Variants in TMEM135 observed in about 807,000 individuals in gnomAD.
TMEM135 encodes the protein peroxisomal membrane protein 52.
A neutral mutation model predicts 60.3 loss-of-function variants in TMEM135; 30 were observed. That is an observed-to-expected ratio of 0.50 (90% confidence interval 0.37 to 0.68). The LOEUF is 0.68. Among genes scored for constraint, TMEM135 ranks in the 30% least tolerant of loss-of-function variants. The pLI is 0.00. For missense variants in TMEM135, 468 were observed against 548.8 expected (o/e 0.85, Z 1.47); for synonymous variants, 190 against 186.7 (o/e 1.02, Z -0.14).
chr11:87,183,397 TC>T (rs1939570187), intron 5 of TMEM135, among the ~76,000 whole-genome samples: 1 of 151,692 alleles, frequency 6.6e-6, no homozygotes, highest in Non-Finnish European at 1.5e-5. Context: ...TGCCTCAGCC[TC>T]CCCAAGTGTG....
At chr11:87,096,238 C>T in intron 4 of TMEM135, 1 of 288,060 alleles carries the variant, frequency 3.5e-6, no homozygotes, top group South Asian at 4.1e-5. Context: ...TCTGCAGATA[C>T]ACAGCTTTAG....
chr11:87,291,809 C>T (rs1218076641), intron 6 of TMEM135, among the ~76,000 whole-genome samples: 1 of 152,078 alleles, frequency 6.6e-6, no homozygotes, highest in Non-Finnish European at 1.5e-5. Context: ...TCCCAAAGTG[C>T]TGGGATTACA....
At chr11:87,247,085 C>G (rs1003062418) in intron 6 of TMEM135, among the ~76,000 whole-genome samples, 47 of 150,166 alleles carry the variant, frequency 3.1e-4, no homozygotes, top group Admixed American at 2.9e-3. Context: ...GGACGCTCAG[C>G]TGCAGGTCTG....
intron 4 of TMEM135, chr11:87,095,557 T>A (rs752156582): frequency 9.9e-6 from 2 of 201,998 alleles, no homozygotes; most frequent in African/African-American, 2.3e-5. Flanking sequence ...TGTCCGGTTA[T>A]CAAAAGATAA....
At chr11:87,253,692 T>A (rs1240254177) in intron 6 of TMEM135, among the ~76,000 whole-genome samples, 10 of 139,862 alleles carry the variant, frequency 7.1e-5, no homozygotes, top group Non-Finnish European at 1.5e-4. Context: ...TATATATATA[T>A]ATATATCCTG....
At chr11:87,038,264 G>T in intron 1 of TMEM135, 78 bp downstream of exon 1, 2 of 1,592,066 alleles carry the variant, frequency 1.3e-6, no homozygotes, top group Non-Finnish European at 1.7e-6. Flanking sequence ...GCTCCCGAGG[G>T]GCTCTGGGGG....
Position 87,130,910 on chromosome 11 carries a change from A to G in TMEM135, c.397-26431A>G, listed in dbSNP as rs866737960. 7.3e-5 allele frequency among the ~76,000 whole-genome samples: 11 copies of G among 151,264 alleles called. 1 individual carries two copies. The South Asian group carries it at 2.3e-3, about 31-fold the overall frequency. ...GTTTGTATAAAAGGTGCTAATTCTA[A>G]TTTATGTGTTTAGTTACAGTTTTCT... On this transcript the variant is annotated intron_variant, in intron 4 of 14. Coordinates refer to ENST00000305494, the MANE Select transcript of TMEM135 (RefSeq NM_022918.4).
chr11:87,079,643 G>A (rs962466081), intron 3 of TMEM135, among the ~76,000 whole-genome samples: 1 of 151,220 alleles, frequency 6.6e-6, no homozygotes. Flanking sequence ...CTTAGCGGGA[G>A]GCATTCAGTT....
At chr11:87,171,129 A>AG (rs1407489337) in intron 5 of TMEM135, among the ~76,000 whole-genome samples, 4 of 152,184 alleles carry the variant, frequency 2.6e-5, no homozygotes, top group Non-Finnish European at 5.9e-5. Context: ...GTGAGGTACT[A>AG]GGGACAGGTA....
chr11:87,152,281 AT>A (rs577689096), intron 4 of TMEM135, among the ~76,000 whole-genome samples: 49 of 151,582 alleles, frequency 3.2e-4, no homozygotes, highest in African/African-American at 1.2e-3. Context: ...ATACTCTTTT[AT>A]TTCCTTCTGT....
intron 6 of TMEM135, among the ~76,000 whole-genome samples, chr11:87,278,631 C>CCCAGAGTGCTGGGATTA (rs1435751358): frequency 6.6e-6 from 1 of 152,116 alleles, no homozygotes; most frequent in African/African-American, 2.4e-5. Context: ...GATTCGGTCT[C>CCCAGAGTGCTGGGATTA]CCAGAGTGCT....
chr11:87,064,662 C>T (rs910240931), intron 1 of TMEM135, among the ~76,000 whole-genome samples: 1 of 152,160 alleles, frequency 6.6e-6, no homozygotes, highest in East Asian at 1.9e-4. Flanking sequence ...GTGGGCGGAT[C>T]GCCTGAGATC....
chr11:87,111,666 A>AAAAG (rs58350802), intron 4 of TMEM135, among the ~76,000 whole-genome samples: 53,402 of 129,648 alleles, frequency 0.41, 11,818 homozygotes, highest in East Asian at 0.63. Flanking sequence ...AAAAAAAAAA[A>AAAAG]AAAAAGAAAA....
At chr11:87,197,991 A>G (rs1939998911) in intron 5 of TMEM135, among the ~76,000 whole-genome samples, 1 of 152,066 alleles carries the variant, frequency 6.6e-6, no homozygotes, top group Non-Finnish European at 1.5e-5. Flanking sequence ...TTTATGGGCT[A>G]CATGTGAGTA....
At chr11:87,236,979 CT>C (rs1268599765) in intron 6 of TMEM135, among the ~76,000 whole-genome samples, 1 of 151,782 alleles carries the variant, frequency 6.6e-6, no homozygotes, top group African/African-American at 2.4e-5. Flanking sequence ...GAATTTTTAT[CT>C]TTTATGGACC....
At chr11:87,168,608 T>C (rs1939135488) in intron 5 of TMEM135, among the ~76,000 whole-genome samples, 1 of 152,178 alleles carries the variant, frequency 6.6e-6, no homozygotes, top group Non-Finnish European at 1.5e-5. Flanking sequence ...CACTTAGTTG[T>C]GCGGTTTTAA....
Position 87,309,648 on chromosome 11 carries a change from T to C in TMEM135, c.912T>C (p.Leu304=), listed in dbSNP as rs1166916859. The change falls in exon 10 of 15, where the codon CTT becomes CTC. Residue 304 remains leucine, a synonymous_variant. Transcript: ENST00000305494. The part of the protein sequence containing the change: ...NKENFQLGAF[L]GSFVSIYKGT... ...AAAACTTCCAGCTTGGAGCTTTTCT[T>C]GGCTCTTTTGTTAGTATATACAAGG... The C allele has an allele frequency of 6.2e-7, 1 of 1,613,704 alleles. No homozygotes were observed. Among genetic ancestry groups the C allele is most frequent in the Non-Finnish European group, 8.5e-7 (1 of 1,179,716 alleles).
intron 5 of TMEM135, among the ~76,000 whole-genome samples, chr11:87,184,237 A>G (rs1158887349): frequency 6.6e-6 from 1 of 152,206 alleles, no homozygotes; most frequent in Non-Finnish European, 1.5e-5. Context: ...GTATATGAAT[A>G]TCACATATTT....
At chr11:87,288,729 A>G (rs890280666) in intron 6 of TMEM135, among the ~76,000 whole-genome samples, 1 of 152,250 alleles carries the variant, frequency 6.6e-6, no homozygotes, top group African/African-American at 2.4e-5. Context: ...ATTGTAGAGA[A>G]GTTATGAGTA....
Sources: gnomAD v4.1 joint callset for allele counts (sites outside exome capture counted in the v4.1 genomes callset) on GRCh38, gnomAD v4.1.1 for gene constraint, MANE v1.5 for transcripts, NCBI Gene and HGNC (gene_info 2026-07-23, HGNC 2026-07-21) for gene names.